The following AXIN1 variants were observed in gnomAD, a reference collection of about 807,000 sequenced individuals.
The protein encoded by AXIN1 is axin 1, also known as axin-1.
In AXIN1, 30 loss-of-function variants were observed where a neutral mutation model predicts 76.4. The ratio of observed to expected loss-of-function variants is 0.39; its 90% CI spans 0.29 to 0.53. The LOEUF (loss-of-function observed/expected upper bound fraction) is 0.53, where lower values mean the gene tolerates loss of function less well. Ranked by LOEUF, AXIN1 falls within the 20% of genes least tolerant of loss-of-function variation. The probability of loss-of-function intolerance (pLI) is 0.66; values close to 1 mark genes in which losing one functional copy is unlikely to be tolerated. For synonymous variants in AXIN1, 545 were observed against 501.4 expected (o/e 1.09, Z -1.16); for missense variants, 1,140 against 1,198.8 (o/e 0.95, Z 0.72).
At chr16:332,613 C>T (rs112471814) in intron 2 of AXIN1, among the ~76,000 whole-genome samples, 9,418 of 140,328 alleles carry the variant, frequency 0.067, 419 homozygotes, top group Non-Finnish European at 0.11. Context: ...TTACACTTAA[C>T]ATCTTAACAT....
At chr16:310,115 G>C in intron 3 of AXIN1, 46 bp from the exon 4 acceptor site, 1 of 1,551,152 alleles carries the variant, frequency 6.4e-7, no homozygotes, top group Non-Finnish European at 8.8e-7. Context: ...AGGAGCAGGA[G>C]GGCCAGCACC....
At chr16:302,534 T>C (rs537481004) in intron 5 of AXIN1, among the ~76,000 whole-genome samples, 1 of 152,348 alleles carries the variant, frequency 6.6e-6, no homozygotes, top group South Asian at 2.1e-4. Context: ...CAACGAGCTA[T>C]GTAAGGTCTG....
At chr16:349,167 G>A (rs2054093281) in intron 1 of AXIN1, among the ~76,000 whole-genome samples, 2 of 152,120 alleles carry the variant, frequency 1.3e-5, no homozygotes, top group Admixed American at 6.5e-5. Flanking sequence ...CATAGATGGA[G>A]GATGGTTTGC....
chr16:327,333 A>C (rs1476355052), intron 2 of AXIN1, among the ~76,000 whole-genome samples: 1 of 152,192 alleles, frequency 6.6e-6, no homozygotes, highest in Non-Finnish European at 1.5e-5. Flanking sequence ...CTGAATGAGC[A>C]GGTGATTTCT....
At chr16:297,625 G>A (rs1199882828) in intron 6 of AXIN1, 97 bp downstream of exon 6, 16 of 1,433,432 alleles carry the variant, frequency 1.1e-5, no homozygotes, top group East Asian at 5.0e-5. Flanking sequence ...TGTTGCTGGC[G>A]GTCCTGGGTT....
At chr16:332,020 C>T (rs2053700636) in intron 2 of AXIN1, among the ~76,000 whole-genome samples, 1 of 152,176 alleles carries the variant, frequency 6.6e-6, no homozygotes, top group African/African-American at 2.4e-5. Context: ...GCCTCAGTTT[C>T]CACATGGATG....
intron 2 of AXIN1, among the ~76,000 whole-genome samples, chr16:333,067 C>T (rs777024549): frequency 3.9e-5 from 6 of 152,134 alleles, no homozygotes. Flanking sequence ...GGTGCAATTG[C>T]TCACGCCTGT....
rs191833755 is a variant in AXIN1, at chr16:344,208, G to A, written c.878+1940C>T. ...CGCACTTTGGGAGACTGAGGCAGGC[G>A]ATCACGAGGTCAGGAGATCGAGACC... On this transcript the variant is annotated intron_variant, in intron 2 of 10. Transcript: ENST00000262320. Among the ~76,000 whole-genome samples, 761 of 151,702 alleles carry A rather than the reference G, an allele frequency of 5.0e-3. 6 individuals carry two copies. The highest frequency in any genetic ancestry group is 0.017 in the African/African-American group (721 of 41,398).
chr16:313,783 A>C (rs1182033144), intron 3 of AXIN1, among the ~76,000 whole-genome samples: 1 of 152,258 alleles, frequency 6.6e-6, no homozygotes, highest in African/African-American at 2.4e-5. Context: ...TAGGTCCCAA[A>C]AAGCCAGCTG....
rs1597073939 is a variant in AXIN1, at chr16:323,974, G to A, written c.879-9291C>T. On this transcript the variant is annotated intron_variant, in intron 2 of 10. Coordinates refer to ENST00000262320, the MANE Select transcript of AXIN1 (RefSeq NM_003502.4). ...CCACCCTGGAGACACCAGCCTGTGG[G>A]AGCCCCAAAGCCCACAGGAGAGCCC... is the stretch of plus-strand genomic sequence containing the variant. Among the ~76,000 whole-genome samples the A allele has an allele frequency of 2.0e-5, 3 of 152,152 alleles. 1 individual carries two copies. The highest frequency in any genetic ancestry group is 2.0e-4 in the Admixed American group (3 of 15,272).
At chr16:348,915 G>A (rs1025668517) in intron 1 of AXIN1, among the ~76,000 whole-genome samples, 2 of 151,794 alleles carry the variant, frequency 1.3e-5, no homozygotes, top group Middle Eastern at 3.4e-3. Context: ...TGGCTAACAC[G>A]GTGAAACCCC....
At chr16:342,680 C>G (rs944811848) in intron 2 of AXIN1, among the ~76,000 whole-genome samples, 3 of 152,254 alleles carry the variant, frequency 2.0e-5, no homozygotes, top group Admixed American at 6.5e-5. Context: ...CAGCGGCACA[C>G]GTGCCCTCCT....
intron 2 of AXIN1, among the ~76,000 whole-genome samples, chr16:337,223 A>T (rs1446532752): frequency 6.6e-6 from 1 of 151,440 alleles, no homozygotes; most frequent in African/African-American, 2.4e-5. Context: ...GTGCTTTTGA[A>T]TAGCTGCATA....
rs754764999 is a variant in AXIN1, at chr16:314,577, C to G, written c.985G>C (p.Asp329His). Residue 329 changes from aspartate (D) to histidine (H), a missense_variant, in exon 3 of 11, where the codon GAT becomes CAT. Physicochemically the swap from Asp to His is moderately conservative, Grantham distance 81. Coordinates refer to ENST00000262320, the MANE Select transcript of AXIN1 (RefSeq NM_003502.4). ...TCCGTGAGGGACAGGGTGTCTGCATCGCTGGACAGGCTCTGCTGCTCGCTG... is the reference window on the plus strand; with the variant it reads ...TCCGTGAGGGACAGGGTGTCTGCATGGCTGGACAGGCTCTGCTGCTCGCTG... ...NDSEQQSLSS[D>H]ADTLSLTDSS... 1 of 1,613,920 alleles carries G rather than the reference C, an allele frequency of 6.2e-7. No individual in the cohort carries two copies.
rs970119890 is a variant in AXIN1, at chr16:309,993, C to T, written c.1096G>A (p.Val366Met). The change falls in exon 4 of 11, where the codon GTG becomes ATG. Residue 366 changes from valine (V) to methionine (M), a missense_variant. Physicochemically the swap from Val to Met is conservative, Grantham distance 21. Transcript: ENST00000262320. ...MQESVQVNGR[V>M]PLPHIPRTYR... ...CTTACGGGAATGTGAGGTAGGGGCA[C>T]CCGCCCATTGACCTGCACGCTCTCC... is the stretch of plus-strand genomic sequence containing the variant. 7.4e-6 allele frequency: 12 copies of T among 1,613,376 alleles called. No individual in the cohort carries two copies. The highest frequency in any genetic ancestry group is 9.3e-6 in the Non-Finnish European group (11 of 1,180,004).
At chr16:301,635 T>A (rs929248053) in intron 5 of AXIN1, among the ~76,000 whole-genome samples, 1 of 151,926 alleles carries the variant, frequency 6.6e-6, no homozygotes, top group Non-Finnish European at 1.5e-5. Flanking sequence ...TACAAAAATA[T>A]TTTTTTTAAA....
intron 2 of AXIN1, among the ~76,000 whole-genome samples, chr16:344,429 C>CA (rs71139776): frequency 0.23 from 26,506 of 116,730 alleles, 3,199 homozygotes; most frequent in South Asian, 0.41. Flanking sequence ...GACTCCATCT[C>CA]AAAAAAAAAA....
At chr16:320,656 TATGTATATATGTAA>T (rs964986389) in intron 2 of AXIN1, among the ~76,000 whole-genome samples, 1 of 150,628 alleles carries the variant, frequency 6.6e-6, no homozygotes, top group Non-Finnish European at 1.5e-5. Context: ...AACAAATATA[TATGTATATATGTAA>T]ATGTATATAT....
intron 1 of AXIN1, among the ~76,000 whole-genome samples, chr16:347,409 A>ACCTCCCAC (rs1439208247): frequency 6.6e-6 from 1 of 152,044 alleles, no homozygotes; most frequent in African/African-American, 2.4e-5. Flanking sequence ...CAGCTTGAGC[A>ACCTCCCAC]CCTCCCACCT....
Sources: allele counts gnomAD v4.1 joint callset (sites outside exome capture counted in the v4.1 genomes callset), GRCh38; gene constraint gnomAD v4.1.1; transcripts MANE v1.5; gene names NCBI Gene and HGNC (gene_info 2026-07-23, HGNC 2026-07-21).